COX16: variants seen among roughly 807,000 people sequenced by gnomAD.
COX16 encodes cytochrome c oxidase assembly protein COX16 homolog, mitochondrial.
COX16 carries 12 observed loss-of-function variants against 15.4 expected under a neutral mutation model. That is an observed-to-expected ratio of 0.78 (90% CI 0.50 to 1.26). COX16 has a LOEUF of 1.26. Ranked by LOEUF, COX16 falls within the 50% of genes most tolerant of loss-of-function variation. The pLI is 0.00. For missense variants in COX16, 124 were observed against 127.6 expected (o/e 0.97, Z 0.14); for synonymous variants, 46 against 41.1 (o/e 1.12, Z -0.46).
intron 2 of COX16, among the ~76,000 whole-genome samples, chr14:70,333,976 A>T (rs1886369016): frequency 1.3e-5 from 2 of 152,182 alleles, no homozygotes; most frequent in Non-Finnish European, 2.9e-5. Context: ...AACAACCAAA[A>T]ATACTGTATC....
intron 1 of COX16, among the ~76,000 whole-genome samples, chr14:70,357,347 T>C (rs1215252579): frequency 6.6e-6 from 1 of 152,082 alleles, no homozygotes; most frequent in Non-Finnish European, 1.5e-5. Flanking sequence ...GCAATGTATA[T>C]GCCCAAGAAA....
intron 2 of COX16, among the ~76,000 whole-genome samples, chr14:70,338,828 G>A (rs867700104): frequency 2.0e-4 from 31 of 152,234 alleles, no homozygotes; most frequent in African/African-American, 7.2e-4. Context: ...GTGAGATTCA[G>A]TCTTCATATC....
intron 2 of COX16, among the ~76,000 whole-genome samples, chr14:70,333,190 C>G (rs1886345560): frequency 6.6e-6 from 1 of 152,154 alleles, no homozygotes. Flanking sequence ...CCTTGAGTAT[C>G]AGAAACATTT....
intron 2 of COX16, among the ~76,000 whole-genome samples, chr14:70,333,515 G>T (rs770239092): frequency 7.2e-5 from 11 of 152,044 alleles, no homozygotes; most frequent in Non-Finnish European, 1.2e-4. Flanking sequence ...AAAGAGAAAC[G>T]ATTTGAAAAT....
chr14:70,359,293 T>C lies in COX16; in HGVS notation c.69+226A>G, dbSNP rs760845940. 5 of 631,756 alleles carry C rather than the reference T, an allele frequency of 7.9e-6. No homozygotes were observed. The African/African-American group carries it at 9.0e-5, about 11-fold the overall frequency. 39.1% of individuals were successfully genotyped at this position (631,756 alleles called of 1,614,324 possible). ...GCCACGCTCACAAGCAGACAGATCC[T>C]AGTACACCTGAAATCCAACCGGGAG... On this transcript the variant is annotated intron_variant, in intron 1 of 3. Transcript: ENST00000389912.
chr14:70,346,926 C>T (rs139264843), intron 1 of COX16, among the ~76,000 whole-genome samples: 2,549 of 152,170 alleles, frequency 0.017, 70 homozygotes, highest in African/African-American at 0.057. Context: ...TAGTACCCAA[C>T]GCATCAACCC....
chr14:70,327,397 G>T (rs1176404221), intron 3 of COX16, among the ~76,000 whole-genome samples: 1 of 152,082 alleles, frequency 6.6e-6, no homozygotes, highest in Non-Finnish European at 1.5e-5. Context: ...AGAAGAACTA[G>T]AAGGAAAATC....
Position 70,326,210 on chromosome 14 carries a change from A to G in COX16, c.*123T>C. On this transcript the variant is annotated 3_prime_UTR_variant, in exon 4 of 4. Transcript: ENST00000389912. ...AGTGAAGATTATTTGTCATCAAATTACCCATATCCAAGTTTCCATGGGCCT... is the reference window on the plus strand; with the variant it reads ...AGTGAAGATTATTTGTCATCAAATTGCCCATATCCAAGTTTCCATGGGCCT... The G allele has an allele frequency of 1.5e-6, 1 of 656,556 alleles. No individual in the cohort carries two copies. Among genetic ancestry groups the G allele is most frequent in the Non-Finnish European group, 2.2e-6 (1 of 452,038 alleles). 40.7% of individuals were successfully genotyped at this position (656,556 alleles called of 1,614,324 possible). A position where few individuals can be genotyped will look rare whatever the true frequency, so the allele number is the denominator to read the frequency against.
chr14:70,329,273 T>C, intron 2 of COX16, 37 bp from the exon 3 acceptor site: 1 of 1,572,916 alleles, frequency 6.4e-7, no homozygotes, highest in Non-Finnish European at 8.6e-7. Flanking sequence ...GTTATCTAAG[T>C]CTGTTTGTTA....
intron 1 of COX16, among the ~76,000 whole-genome samples, chr14:70,357,804 A>G (rs1566608298): frequency 6.6e-6 from 1 of 152,236 alleles, no homozygotes; most frequent in African/African-American, 2.4e-5. Context: ...TGGGAATGTA[A>G]AATGATGCAG....
At chr14:70,350,585 A>G (rs1886925216) in intron 1 of COX16, among the ~76,000 whole-genome samples, 2 of 152,320 alleles carry the variant, frequency 1.3e-5, no homozygotes, top group African/African-American at 2.4e-5. Flanking sequence ...CATATTTACA[A>G]TACTGTCATT....
rs370266311 is a variant in COX16, at chr14:70,331,486, T to C, written c.142-2250A>G. ...AATAGACACATCACAAAAATGAATA[T>C]ACAAAATAGAATACAAAAATGGCCA... On this transcript the variant is annotated intron_variant, in intron 2 of 3. Transcript: ENST00000389912. Among the ~76,000 whole-genome samples the C allele has an allele frequency of 7.5e-4, 114 of 151,972 alleles. 1 individual carries two copies. Among genetic ancestry groups the C allele is most frequent in the African/African-American group, 2.7e-3 (110 of 41,442 alleles).
chr14:70,331,000 AAT>A (rs1886269683), intron 2 of COX16, among the ~76,000 whole-genome samples: 1 of 152,122 alleles, frequency 6.6e-6, no homozygotes, highest in Admixed American at 6.6e-5. Flanking sequence ...AGAAGAATAA[AAT>A]ATATTGTATT....
chr14:70,343,409 GT>G (rs1886681248), intron 1 of COX16, among the ~76,000 whole-genome samples: 1 of 151,966 alleles, frequency 6.6e-6, no homozygotes, highest in African/African-American at 2.4e-5. Flanking sequence ...TTTGTTTAAG[GT>G]TTTCCTTCTT....
intron 1 of COX16, chr14:70,359,198 T>C (rs1290535491): frequency 4.1e-6 from 2 of 490,620 alleles, no homozygotes; most frequent in Non-Finnish European, 8.0e-6. Context: ...GACTGAATTC[T>C]CTGAGCTTCA....
chr14:70,340,258 T>C (rs892509156), intron 2 of COX16, among the ~76,000 whole-genome samples: 1 of 152,204 alleles, frequency 6.6e-6, no homozygotes, highest in Non-Finnish European at 1.5e-5. Flanking sequence ...CCTGCCGCCA[T>C]GTGAAGAAGG....
intron 1 of COX16, among the ~76,000 whole-genome samples, chr14:70,352,738 C>T (rs559779709): frequency 1.1e-4 from 16 of 146,608 alleles, no homozygotes; most frequent in South Asian, 2.2e-4. Flanking sequence ...CTCTGCCTCC[C>T]GGGTTCAAGA....
chr14:70,351,231 T>C (rs531595591), intron 1 of COX16, among the ~76,000 whole-genome samples: 171 of 152,312 alleles, frequency 1.1e-3, no homozygotes, highest in African/African-American at 3.9e-3. Flanking sequence ...CATCAATCCA[T>C]GTATAAGCAC....
chr14:70,350,950 C>T (rs557740731), intron 1 of COX16, among the ~76,000 whole-genome samples: 4 of 152,332 alleles, frequency 2.6e-5, no homozygotes, highest in Non-Finnish European at 5.9e-5. Flanking sequence ...AATATTTTTG[C>T]ATCAGCCTAA....
Sources: gnomAD v4.1 joint callset for allele counts (sites outside exome capture counted in the v4.1 genomes callset) on GRCh38, gnomAD v4.1.1 for gene constraint, MANE v1.5 for transcripts, NCBI Gene and HGNC (gene_info 2026-07-23, HGNC 2026-07-21) for gene names.